The following MICU1 variants were observed in gnomAD, a reference collection of about 807,000 sequenced individuals.
MICU1 encodes the protein mitochondrial calcium uptake 1.
Under a neutral mutation model 56.8 loss-of-function variants are expected in MICU1, and 45 were observed. The observed-to-expected ratio is 0.79, with a 90% CI of 0.62 to 1.02. The LOEUF is 1.02. MICU1 is among the 50% of genes least tolerant of loss of function. The pLI is 0.00. For synonymous variants in MICU1, 186 were observed against 195.1 expected (o/e 0.95, Z 0.39); for missense variants, 504 against 587.1 (o/e 0.86, Z 1.46).
intron 4 of MICU1, among the ~76,000 whole-genome samples, chr10:72,547,655 C>T (rs1188900667): frequency 6.6e-6 from 1 of 151,988 alleles, no homozygotes; most frequent in Non-Finnish European, 1.5e-5. Context: ...TTTTAAGTCA[C>T]TTTCTATGTA....
At chr10:72,527,287 G>T (rs1867991109) in intron 5 of MICU1, among the ~76,000 whole-genome samples, 1 of 152,108 alleles carries the variant, frequency 6.6e-6, no homozygotes, top group Admixed American at 6.6e-5. Flanking sequence ...GTATCACATA[G>T]TGTTCAAGAG....
At chr10:72,421,020 AATAAT>A (rs1864150444) in intron 9 of MICU1, among the ~76,000 whole-genome samples, 2 of 126,616 alleles carry the variant, frequency 1.6e-5, no homozygotes, top group African/African-American at 6.6e-5. Context: ...AAAAAAAAAT[AATAAT>A]AATAATAATA....
intron 8 of MICU1, among the ~76,000 whole-genome samples, chr10:72,473,985 G>A (rs189464467): frequency 1.2e-4 from 18 of 152,032 alleles, no homozygotes; most frequent in African/African-American, 2.9e-4. Flanking sequence ...GGCCGGGTGC[G>A]GTGGCTCACA....
chr10:72,608,540 C>T (rs1841754222), intron 1 of MICU1, among the ~76,000 whole-genome samples: 4 of 152,098 alleles, frequency 2.6e-5, no homozygotes, highest in Admixed American at 2.6e-4. Context: ...CCAATTAAAA[C>T]CATAATGAGG....
At position 72,509,331 on chromosome 10, in the gene MICU1, T is replaced by G. The variant is rs768107320; in HGVS notation, c.538-1062A>C. On this transcript the variant is annotated intron_variant, in intron 5 of 11. Coordinates refer to ENST00000361114, the MANE Select transcript of MICU1 (RefSeq NM_001195518.2). ...TGCAGGCATAACTTCAAGAGGAGTATGATGAAAACTAAACCAACAAGCACC... is the reference window on the plus strand; with the variant it reads ...TGCAGGCATAACTTCAAGAGGAGTAGGATGAAAACTAAACCAACAAGCACC... 7.1e-6 allele frequency: 9 copies of G among 1,262,066 alleles called. No homozygotes were observed. In the Admixed American group the frequency reaches 1.3e-4, roughly 18 times the overall value. 78.2% of individuals were successfully genotyped at this position (1,262,066 alleles called of 1,614,324 possible).
At chr10:72,551,812 T>C (rs1179015860) in intron 3 of MICU1, among the ~76,000 whole-genome samples, 1 of 152,180 alleles carries the variant, frequency 6.6e-6, no homozygotes. Context: ...ATTATCTTTA[T>C]TTTTGTAGTG....
rs34238664 is a variant in MICU1, at chr10:72,495,233, TAA to T, written c.652+12920_652+12921del. 4.6e-3 allele frequency among the ~76,000 whole-genome samples: 670 copies of T among 145,368 alleles called. 1 individual carries two copies. The highest frequency in any genetic ancestry group is 7.1e-3 in the Middle Eastern group (2 of 282). On this transcript the variant is annotated intron_variant, in intron 6 of 11. Coordinates refer to ENST00000361114, the MANE Select transcript of MICU1 (RefSeq NM_001195518.2). ...ACCCCCATCCCTAACTTCAGAGATC[TAA>T]AAAAAAAAAAAAAAATCATCTGCTT...
At chr10:72,561,389 G>C (rs1204568444) in intron 3 of MICU1, among the ~76,000 whole-genome samples, 2 of 152,176 alleles carry the variant, frequency 1.3e-5, no homozygotes, top group Admixed American at 1.3e-4. Context: ...AATTCACTCA[G>C]GGCAAAACAA....
chr10:72,533,975 C>A (rs1402849048), intron 4 of MICU1, among the ~76,000 whole-genome samples, 186 bp from the exon 5 acceptor site: 1 of 151,980 alleles, frequency 6.6e-6, no homozygotes, highest in East Asian at 1.9e-4. Flanking sequence ...AGATACCAAC[C>A]CTTTTATTTT....
intron 5 of MICU1, among the ~76,000 whole-genome samples, chr10:72,526,072 A>G (rs1275144173): frequency 6.6e-6 from 1 of 152,186 alleles, no homozygotes; most frequent in Non-Finnish European, 1.5e-5. Flanking sequence ...CAGATACCAA[A>G]GCCAGATTTT....
At chr10:72,613,921 G>A (rs1055491609) in intron 1 of MICU1, among the ~76,000 whole-genome samples, 26 of 152,258 alleles carry the variant, frequency 1.7e-4, no homozygotes, top group Admixed American at 1.6e-3. Flanking sequence ...GAGGTGGGGG[G>A]ATCACCTGAG....
intron 6 of MICU1, among the ~76,000 whole-genome samples, chr10:72,491,244 T>C (rs1203053085): frequency 6.6e-6 from 1 of 152,242 alleles, no homozygotes; most frequent in Non-Finnish European, 1.5e-5. Context: ...CTCCTAAGTC[T>C]GTAAGCCAAT....
chr10:72,555,736 T>C (rs2132453427), intron 3 of MICU1, among the ~76,000 whole-genome samples: 1 of 152,340 alleles, frequency 6.6e-6, no homozygotes, highest in Admixed American at 6.5e-5. Context: ...GATGAGCAAC[T>C]GATGCCTCTA....
At chr10:72,421,016 AAATAATAAT>A (rs1554865352) in intron 9 of MICU1, among the ~76,000 whole-genome samples, 16 of 124,112 alleles carry the variant, frequency 1.3e-4, no homozygotes, top group South Asian at 5.2e-4. Context: ...AAAAAAAAAA[AAATAATAAT>A]AATAATAATA....
chr10:72,390,598 G>A (rs6480618), intron 10 of MICU1, among the ~76,000 whole-genome samples: 38 of 152,058 alleles, frequency 2.5e-4, no homozygotes, highest in African/African-American at 8.9e-4. Context: ...AGACTGGTTT[G>A]TAACCTCTAA....
chr10:72,433,092 C>T (rs1276493755), intron 8 of MICU1, among the ~76,000 whole-genome samples: 1 of 151,990 alleles, frequency 6.6e-6, no homozygotes, highest in African/African-American at 2.4e-5. Context: ...TCTGCACCAC[C>T]ATGCCCAGCT....
intron 8 of MICU1, among the ~76,000 whole-genome samples, chr10:72,440,380 C>T (rs895584814): frequency 3.3e-5 from 5 of 152,158 alleles, no homozygotes; most frequent in African/African-American, 9.7e-5. Context: ...CTTCCTTATA[C>T]CTTATACAAA....
chr10:72,546,987 G>A (rs1351043385), intron 4 of MICU1, among the ~76,000 whole-genome samples: 1 of 151,866 alleles, frequency 6.6e-6, no homozygotes, highest in Admixed American at 6.6e-5. Flanking sequence ...CACCTCCTGG[G>A]TTCACGCCAG....
At chr10:72,619,394 G>A (rs988783142) in intron 1 of MICU1, among the ~76,000 whole-genome samples, 24 of 152,296 alleles carry the variant, frequency 1.6e-4, no homozygotes, top group East Asian at 9.6e-4. Context: ...GCAGTGAGCC[G>A]AGATTGTGCC....
Sources: allele counts gnomAD v4.1 joint callset (sites outside exome capture counted in the v4.1 genomes callset), GRCh38; gene constraint gnomAD v4.1.1; transcripts MANE v1.5; gene names NCBI Gene and HGNC (gene_info 2026-07-23, HGNC 2026-07-21).